ADGB: variants seen among roughly 807,000 people sequenced by gnomAD.
ADGB encodes calpain-7-like protein.
Under a neutral mutation model 210.5 loss-of-function variants are expected in ADGB, and 172 were observed. The ratio of observed to expected loss-of-function variants is 0.82; its 90% CI spans 0.72 to 0.93. The LOEUF (loss-of-function observed/expected upper bound fraction) is 0.93. Ranked by LOEUF, ADGB falls within the 40% of genes least tolerant of loss-of-function variation. The probability of loss-of-function intolerance (pLI) is 0.00; values close to 1 mark genes in which losing one functional copy is unlikely to be tolerated. For synonymous variants in ADGB, 658 were observed against 662.7 expected (o/e 0.99, Z 0.11); for missense variants, 2,025 against 1,964.8 (o/e 1.03, Z -0.58).
chr6:146,705,199 A>T (rs1776551098), intron 13 of ADGB, among the ~76,000 whole-genome samples: 1 of 152,022 alleles, frequency 6.6e-6, no homozygotes, highest in South Asian at 2.1e-4. Context: ...ATGGGGTTTT[A>T]AGGGGTTCTA....
At chr6:146,744,113 C>G (rs1474002597) in intron 25 of ADGB, among the ~76,000 whole-genome samples, 1 of 152,152 alleles carries the variant, frequency 6.6e-6, no homozygotes, top group Non-Finnish European at 1.5e-5. Context: ...GAAAGTAATT[C>G]TGACCCACAA....
rs551419624 is a variant in ADGB, at chr6:146,785,835, G to T, written c.4315+123G>T. 11 of 730,954 alleles carry T rather than the reference G, an allele frequency of 1.5e-5. No individual in the cohort carries two copies. The East Asian group carries it at 3.0e-4, about 20-fold the overall frequency. 45.3% of individuals were successfully genotyped at this position (730,954 alleles called of 1,614,324 possible). A position where few individuals can be genotyped will look rare whatever the true frequency, so the allele number is the denominator to read the frequency against. On this transcript the variant is annotated intron_variant, in intron 32 of 35. Transcript: ENST00000397944. ...ACATTTCAGAATCTCGTTTCTTGAGGATTATAAAAAGTCGCACAATTTCAG... is the reference window on the plus strand; with the variant it reads ...ACATTTCAGAATCTCGTTTCTTGAGTATTATAAAAAGTCGCACAATTTCAG...
At chr6:146,680,765 T>A (rs1235700795) in intron 9 of ADGB, among the ~76,000 whole-genome samples, 1 of 152,116 alleles carries the variant, frequency 6.6e-6, no homozygotes, top group Non-Finnish European at 1.5e-5. Context: ...CAGGGAAGAA[T>A]TGTCTGTTTT....
chr6:146,639,720 T>C (rs1044587345), intron 2 of ADGB: 1 of 152,026 alleles, frequency 6.6e-6, no homozygotes, highest in African/African-American at 2.4e-5. Context: ...CAGCAGTGCA[T>C]ATACTAAAAT....
Position 146,733,259 on chromosome 6 carries a change from C to T in ADGB, c.2656+4C>T. ...TCCTTGGAAGAGGTTTCTTTAGGTA[C>T]CCATGAATTGTATATATTTAATCAA... On this transcript the variant is annotated splice_donor_region_variant and intron_variant, in intron 21 of 35. Transcript: ENST00000397944. The T allele has an allele frequency of 6.7e-7, 1 of 1,486,616 alleles. No homozygotes were observed. The highest frequency in any genetic ancestry group is 8.9e-7 in the Non-Finnish European group (1 of 1,123,558). The allele number at this position is 1,486,616 out of a possible 1,614,324, so 92.1% of individuals were successfully genotyped here. A position where few individuals can be genotyped will look rare whatever the true frequency, so the allele number is the denominator to read the frequency against.
At chr6:146,737,107 GA>G (rs1777089856) in intron 23 of ADGB, among the ~76,000 whole-genome samples, 1 of 151,222 alleles carries the variant, frequency 6.6e-6, no homozygotes, top group Admixed American at 6.6e-5. Context: ...AAAATATGTG[GA>G]ACCATACCCT....
At chr6:146,800,038 G>C (rs1270767151) in intron 33 of ADGB, among the ~76,000 whole-genome samples, 2 of 152,102 alleles carry the variant, frequency 1.3e-5, no homozygotes, top group Non-Finnish European at 2.9e-5. Context: ...TTGAACTCCT[G>C]ACCTCGTGAT....
intron 1 of ADGB, among the ~76,000 whole-genome samples, chr6:146,601,735 A>G (rs1285813606): frequency 6.6e-6 from 1 of 152,078 alleles, no homozygotes; most frequent in Admixed American, 6.5e-5. Flanking sequence ...AGAATCTTAC[A>G]CTCCTAGAGA....
Position 146,620,546 on chromosome 6 carries a change from C to A in ADGB, c.75-14829C>A, listed in dbSNP as rs187724237. 3.3e-4 allele frequency among the ~76,000 whole-genome samples: 50 copies of A among 151,692 alleles called. 1 individual carries two copies. In the East Asian group the frequency reaches 8.5e-3, roughly 26 times the overall value. On this transcript the variant is annotated intron_variant, in intron 1 of 35. Coordinates refer to ENST00000397944, the MANE Select transcript of ADGB (RefSeq NM_024694.4). Reference sequence around the variant, plus strand: ...CCATCTTCAAGCTTGCTAATTCTTTCTTCTGTTTGAGAATATCTGTTGTTG... The same window carrying A: ...CCATCTTCAAGCTTGCTAATTCTTTATTCTGTTTGAGAATATCTGTTGTTG...
intron 29 of ADGB, among the ~76,000 whole-genome samples, chr6:146,776,836 G>A (rs866457371): frequency 1.3e-5 from 2 of 152,130 alleles, no homozygotes; most frequent in Middle Eastern, 3.4e-3. Flanking sequence ...CTCTGGGCAT[G>A]GTGCTAGTAT....
intron 9 of ADGB, among the ~76,000 whole-genome samples, chr6:146,683,152 C>T (rs1776180224): frequency 1.3e-5 from 2 of 152,074 alleles, no homozygotes; most frequent in African/African-American, 4.8e-5. Flanking sequence ...GGCGCCAGCA[C>T]CTTGATCTTG....
intron 5 of ADGB, among the ~76,000 whole-genome samples, chr6:146,663,742 G>A (rs751453708): frequency 1.4e-4 from 22 of 152,030 alleles, no homozygotes; most frequent in Non-Finnish European, 2.6e-4. Context: ...TTAGGAGCAG[G>A]AATAATATGA....
chr6:146,715,498 C>A, intron 14 of ADGB, 83 bp downstream of exon 14: 2 of 946,972 alleles, frequency 2.1e-6, no homozygotes, highest in South Asian at 1.9e-5. Context: ...AGCTTCCCTT[C>A]TGGCTCTCAG....
intron 5 of ADGB, among the ~76,000 whole-genome samples, chr6:146,661,286 T>C (rs990320900): frequency 7.0e-6 from 1 of 143,290 alleles, no homozygotes. Flanking sequence ...AGTGGCACAA[T>C]TATAGCTCAC....
chr6:146,638,876 A>G (rs2114862736), intron 2 of ADGB: 1 of 151,298 alleles, frequency 6.6e-6, no homozygotes, highest in African/African-American at 2.4e-5. Context: ...TTCAAAGCAC[A>G]GCACAACACA....
At chr6:146,770,485 T>C in intron 29 of ADGB, 2 of 410,172 alleles carry the variant, frequency 4.9e-6, no homozygotes, top group South Asian at 3.6e-5. Flanking sequence ...TCTTCTGAGG[T>C]TCCTCTCTCA....
At chr6:146,648,076 T>A (rs1024838424) in intron 3 of ADGB, among the ~76,000 whole-genome samples, 5 of 152,110 alleles carry the variant, frequency 3.3e-5, no homozygotes, top group African/African-American at 1.2e-4. Context: ...GTGGTCTTTT[T>A]AAAATAATAA....
At chr6:146,700,038 T>C (rs2114543235) in intron 12 of ADGB, among the ~76,000 whole-genome samples, 1 of 152,358 alleles carries the variant, frequency 6.6e-6, no homozygotes, top group South Asian at 2.1e-4. Context: ...TATTCATCTC[T>C]GACAGAGCCA....
intron 1 of ADGB, among the ~76,000 whole-genome samples, chr6:146,631,278 G>A (rs537505130): frequency 2.0e-5 from 3 of 152,288 alleles, no homozygotes; most frequent in East Asian, 1.9e-4. Context: ...GTGACCAGGT[G>A]TGTAGTGCTG....
Sources: gnomAD v4.1 joint callset for allele counts (sites outside exome capture counted in the v4.1 genomes callset) on GRCh38, gnomAD v4.1.1 for gene constraint, MANE v1.5 for transcripts, NCBI Gene and HGNC (gene_info 2026-07-23, HGNC 2026-07-21) for gene names.